The following MAD2L2 variants were observed in gnomAD, a reference collection of about 807,000 sequenced individuals.
The protein encoded by MAD2L2 is mitotic spindle assembly checkpoint protein MAD2B.
A neutral mutation model predicts 30.5 loss-of-function variants in MAD2L2; 17 were observed. The ratio of observed to expected loss-of-function variants is 0.56; its 90% CI spans 0.38 to 0.84. The LOEUF is 0.84. Among genes scored for constraint, MAD2L2 ranks in the 40% least tolerant of loss-of-function variants. MAD2L2 has a pLI of 0.00. For missense variants in MAD2L2, 213 were observed against 277.4 expected (o/e 0.77, Z 1.65); for synonymous variants, 101 against 113.9 (o/e 0.89, Z 0.72).
intron 7 of MAD2L2, among the ~76,000 whole-genome samples, chr1:11,675,384 C>T (rs1263176760): frequency 6.6e-6 from 1 of 152,144 alleles, no homozygotes; most frequent in Non-Finnish European, 1.5e-5. Context: ...CAGGCACCAA[C>T]GCTGAACCTG....
Position 11,690,316 on chromosome 1 carries a change from G to T in MAD2L2, c.-692+1097C>A, listed in dbSNP as rs1641037398. Among the ~76,000 whole-genome samples the T allele has an allele frequency of 6.6e-6, 1 of 152,120 alleles. No homozygotes were observed. The highest frequency in any genetic ancestry group is 6.5e-5 in the Admixed American group (1 of 15,274). On this transcript the variant is annotated intron_variant, in intron 1 of 10. Transcript: ENST00000235310. The surrounding 1 kb of genome is among the most constrained non-coding windows in gnomAD (Gnocchi z 4.2). ...ACTCAAACCTTTCAGTGAATAAACA[G>T]TTCAGTGTTCTCATCAATCCATCCT...
At chr1:11,677,669 C>CCAACACAA (rs1557678953) in intron 3 of MAD2L2, 55 bp from the exon 4 acceptor site, 4 of 1,453,712 alleles carry the variant, frequency 2.8e-6, no homozygotes, top group Non-Finnish European at 2.9e-6. Flanking sequence ...GGGAAACCAC[C>CCAACACAA]CAACACAACC....
chr1:11,683,272 C>G (rs1325919444), upstream of MAD2L2, among the ~76,000 whole-genome samples: 2 of 152,206 alleles, frequency 1.3e-5, no homozygotes, highest in Non-Finnish European at 2.9e-5. Flanking sequence ...ACCCGTAGAA[C>G]TCCTGACACA....
intron 3 of MAD2L2, 148 bp from the exon 4 acceptor site, chr1:11,677,762 C>G: frequency 1.5e-6 from 1 of 649,368 alleles, no homozygotes; most frequent in South Asian, 1.8e-5. Flanking sequence ...CACTTTCCCT[C>G]AAGAGGCTAA....
At chr1:11,676,487 C>T (rs1303263306) in intron 5 of MAD2L2, among the ~76,000 whole-genome samples, 1 of 152,146 alleles carries the variant, frequency 6.6e-6, no homozygotes, top group Non-Finnish European at 1.5e-5. Context: ...CCACACAGGC[C>T]GTGGGGACAG....
At position 11,688,518 on chromosome 1, in the gene MAD2L2, G is replaced by A. The variant is rs1048096773; in HGVS notation, c.-692+2895C>T. ...AGAGGTTGCAGTGAGCCAAGATCGCGCCACTGCACTCCAGCCTGGACAACA... is the reference window on the plus strand; with the variant it reads ...AGAGGTTGCAGTGAGCCAAGATCGCACCACTGCACTCCAGCCTGGACAACA... On this transcript the variant is annotated intron_variant, in intron 1 of 10. Transcript: ENST00000235310. This position sits in a 1 kb window ranked among gnomAD's most constrained non-coding sequence, Gnocchi z 4.6. 2.0e-5 allele frequency among the ~76,000 whole-genome samples: 3 copies of A among 151,650 alleles called. No homozygotes were observed. Among genetic ancestry groups the A allele is most frequent in the Non-Finnish European group, 2.9e-5 (2 of 67,954 alleles).
intron 4 of MAD2L2, 106 bp downstream of exon 4, chr1:11,677,437 A>T: frequency 9.2e-7 from 1 of 1,089,234 alleles, no homozygotes; most frequent in Non-Finnish European, 1.4e-6. Flanking sequence ...AGCCATGAAG[A>T]CCCCACAGAG....
At chr1:11,679,533 C>A (rs1274012429) in intron 3 of MAD2L2, among the ~76,000 whole-genome samples, 1 of 149,316 alleles carries the variant, frequency 6.7e-6, no homozygotes, top group African/African-American at 2.5e-5. Flanking sequence ...CCCAGGGTAA[C>A]TTTTTTTTTT....
Position 11,676,092 on chromosome 1 carries a change from G to A in MAD2L2, c.381C>T (p.Ile127=). Residue 127 remains isoleucine (I), a synonymous_variant, in exon 6 of 9, where the codon ATC becomes ATT. Coordinates refer to ENST00000376692, the MANE Select transcript of MAD2L2 (RefSeq NM_006341.4). ...SHVEQLLRAF[I]LKISVCDAVL... Reference sequence around the variant, plus strand: ...CGGCATCGCACACGCTGATCTTCAGGATGAAGGCCCGGAGCAGCTGCTCCA... The same window carrying A: ...CGGCATCGCACACGCTGATCTTCAGAATGAAGGCCCGGAGCAGCTGCTCCA... 1 of 1,612,244 alleles carries A rather than the reference G, an allele frequency of 6.2e-7. No individual in the cohort carries two copies. The highest frequency in any genetic ancestry group is 8.5e-7 in the Non-Finnish European group (1 of 1,178,900).
Position 11,674,994 on chromosome 1 carries a change from C to G in MAD2L2, c.594+88G>C. 1 of 1,320,514 alleles carries G rather than the reference C, an allele frequency of 7.6e-7. No individual in the cohort carries two copies. Among genetic ancestry groups the G allele is most frequent in the Non-Finnish European group, 1.1e-6 (1 of 940,456 alleles). 81.8% of individuals were successfully genotyped at this position (1,320,514 alleles called of 1,614,324 possible). On this transcript the variant is annotated intron_variant, in intron 8 of 8. Transcript: ENST00000376692. This position sits in a 1 kb window ranked among gnomAD's most constrained non-coding sequence, Gnocchi z 6.1. ...CACCAGGCACTCCCCCGTTCTCTCC[C>G]GCAAGCCCTCTAGTAAGGCCTCAGC...
rs1164396669 is a variant in MAD2L2 at position 11,676,046 on chromosome 1, C to G, written c.427G>C (p.Gly143Arg). 19 of 1,612,826 alleles carry G rather than the reference C, an allele frequency of 1.2e-5. No individual in the cohort carries two copies. The highest frequency in any genetic ancestry group is 1.5e-5 in the Non-Finnish European group (18 of 1,179,298). Residue 143 changes from glycine (G) to arginine (R), a missense_variant and splice_region_variant, in exon 6 of 9, where the codon GGC becomes CGC. Physicochemically the swap from Gly to Arg is moderately radical, Grantham distance 125. Coordinates refer to ENST00000376692, the MANE Select transcript of MAD2L2 (RefSeq NM_006341.4). ...CDAVLDHNPP[G>R]CTFTVLVHTR... Reference sequence around the variant, plus strand: ...AAGAGAGGGTGGGGAGTGGACACACCTGGGGGGTTGTGGTCCAGGACGGCA... The same window carrying G: ...AAGAGAGGGTGGGGAGTGGACACACGTGGGGGGTTGTGGTCCAGGACGGCA...
At position 11,674,608 on chromosome 1, in the gene MAD2L2, G is replaced by C. The variant is rs1570282669; in HGVS notation, c.*167C>G. 1 of 657,750 alleles carries C rather than the reference G, an allele frequency of 1.5e-6. No homozygotes were observed. Among genetic ancestry groups the C allele is most frequent in the Non-Finnish European group, 2.6e-6 (1 of 379,538 alleles). The allele number at this position is 657,750 out of a possible 1,614,324, so 40.7% of individuals were successfully genotyped here. A position where few individuals can be genotyped will look rare whatever the true frequency, so the allele number is the denominator to read the frequency against. On this transcript the variant is annotated 3_prime_UTR_variant, in exon 9 of 9. Transcript: ENST00000376692. The surrounding 1 kb of genome is among the most constrained non-coding windows in gnomAD (Gnocchi z 6.1). ...TGCGGCATCCCTCACTGCCCTCCTG[G>C]GGGAGGCATCCTCCAAGCAGACCTG...
chr1:11,679,353 C>T (rs1640826651), intron 3 of MAD2L2, among the ~76,000 whole-genome samples: 1 of 152,172 alleles, frequency 6.6e-6, no homozygotes, highest in African/African-American at 2.4e-5. Context: ...GAGACAGGCA[C>T]TTCTAGGGAC....
chr1:11,688,407 A>C lies in MAD2L2; in HGVS notation c.-692+3006T>G, dbSNP rs1641000014. Among the ~76,000 whole-genome samples, 1 of 152,050 alleles carries C rather than the reference A, an allele frequency of 6.6e-6. No individual in the cohort carries two copies. The highest frequency in any genetic ancestry group is 2.1e-4 in the South Asian group (1 of 4,812). ...AAACTCTGTCTCTACTAAAAATACA[A>C]AAAATTAGCCAGGCATGGTGGCAGG... On this transcript the variant is annotated intron_variant, in intron 1 of 10. Transcript: ENST00000235310. The surrounding 1 kb of genome is among the most constrained non-coding windows in gnomAD (Gnocchi z 4.6).
chr1:11,683,283 CA>C (rs1640906051), upstream of MAD2L2, among the ~76,000 whole-genome samples: 1 of 152,302 alleles, frequency 6.6e-6, no homozygotes, highest in East Asian at 1.9e-4. Flanking sequence ...TCCTGACACA[CA>C]GAGCTAAGAA....
At chr1:11,679,918 CTGGAAGGCAT>C (rs1261846983) in intron 3 of MAD2L2, among the ~76,000 whole-genome samples, 1 of 149,618 alleles carries the variant, frequency 6.7e-6, no homozygotes, top group African/African-American at 2.5e-5. Flanking sequence ...CACTTTGGAA[CTGGAAGGCAT>C]TGGAAGGCAT....
chr1:11,676,043 C>T lies in MAD2L2; in HGVS notation c.427+3G>A. ...GGGAAGAGAGGGTGGGGAGTGGACA[C>T]ACCTGGGGGGTTGTGGTCCAGGACG... On this transcript the variant is annotated splice_donor_region_variant and intron_variant, in intron 6 of 8. Coordinates refer to ENST00000376692, the MANE Select transcript of MAD2L2 (RefSeq NM_006341.4). 6.2e-7 allele frequency: 1 copy of T among 1,612,400 alleles called. No homozygotes were observed. The highest frequency in any genetic ancestry group is 8.5e-7 in the Non-Finnish European group (1 of 1,178,790).
upstream of MAD2L2, among the ~76,000 whole-genome samples, chr1:11,685,251 ATG>A (rs368753940): frequency 9.9e-5 from 15 of 152,144 alleles, no homozygotes; most frequent in East Asian, 1.9e-3. Context: ...TTCTCAGCAA[ATG>A]TGTGTCAAAT....
intron 1 of MAD2L2, 161 bp downstream of exon 1, chr1:11,680,878 G>A (rs918806853): frequency 1.1e-6 from 1 of 898,990 alleles, no homozygotes. Flanking sequence ...CCCCCGAAAA[G>A]GGCAGGGCCG....
Sources: allele counts gnomAD v4.1 joint callset (sites outside exome capture counted in the v4.1 genomes callset), GRCh38; gene constraint gnomAD v4.1.1; non-coding constraint Gnocchi (gnomAD v3.1); transcripts MANE v1.5; gene names NCBI Gene and HGNC (gene_info 2026-07-23, HGNC 2026-07-21).